CRLF1: variants seen among roughly 807,000 people sequenced by gnomAD.
The protein encoded by CRLF1 is cytokine receptor like factor 1.
In CRLF1, 36 loss-of-function variants were observed where a neutral mutation model predicts 48.9. The observed-to-expected ratio is 0.74, with a 90% confidence interval of 0.56 to 0.97. CRLF1 has a LOEUF of 0.97. CRLF1 is among the 50% of genes least tolerant of loss of function. The probability of loss-of-function intolerance (pLI) is 0.00; values close to 1 mark genes in which losing one functional copy is unlikely to be tolerated. For missense variants in CRLF1, 534 were observed against 575.1 expected (o/e 0.93, Z 0.73); for synonymous variants, 256 against 253.4 (o/e 1.01, Z -0.10).
intron 1 of CRLF1, among the ~76,000 whole-genome samples, chr19:18,605,832 C>A (rs1976286201): frequency 6.6e-6 from 1 of 152,170 alleles, no homozygotes; most frequent in Admixed American, 6.5e-5. Context: ...AAAGTTTGGG[C>A]CCGCTGGTGC....
At chr19:18,593,898 A>C (rs1976090072) in intron 8 of CRLF1, 167 bp downstream of exon 8, 1 of 978,000 alleles carries the variant, frequency 1.0e-6, no homozygotes, top group African/African-American at 1.7e-5. Context: ...CCAGTTATAC[A>C]GTAAGTGCTA....
rs1286084668 is a variant in CRLF1, at chr19:18,606,367, G to T, written c.115+175C>A. Among the ~76,000 whole-genome samples the T allele has an allele frequency of 1.3e-5, 2 of 151,342 alleles. No homozygotes were observed. Among genetic ancestry groups the T allele is most frequent in the Non-Finnish European group, 1.5e-5 (1 of 67,688 alleles). On this transcript the variant is annotated intron_variant, in intron 1 of 8. Coordinates refer to ENST00000392386, the MANE Select transcript of CRLF1 (RefSeq NM_004750.5). The surrounding 1 kb of genome is among the most constrained non-coding windows in gnomAD (Gnocchi z 4.8). ...CGGAAGCAGGACTCTCTGGACAGTG[G>T]ACTGCGGCGCCGTGTGCCCCGCAGG...
chr19:18,593,341 G>A lies in CRLF1; in HGVS notation c.*225C>T. Reference sequence around the variant, plus strand: ...CCCCCAGCCCTGGCAGGGGTTCTAGGCAACTCAACCAACCCTCACACACAC... The same window carrying A: ...CCCCCAGCCCTGGCAGGGGTTCTAGACAACTCAACCAACCCTCACACACAC... On this transcript the variant is annotated 3_prime_UTR_variant, in exon 9 of 9. Transcript: ENST00000392386. The A allele has an allele frequency of 6.7e-6, 4 of 599,208 alleles. No homozygotes were observed. Among genetic ancestry groups the A allele is most frequent in the Non-Finnish European group, 8.9e-6 (3 of 336,464 alleles). 37.1% of individuals were successfully genotyped at this position (599,208 alleles called of 1,614,324 possible).
chr19:18,601,271 A>C (rs1001030096), intron 1 of CRLF1, among the ~76,000 whole-genome samples: 1 of 149,548 alleles, frequency 6.7e-6, no homozygotes, highest in African/African-American at 2.5e-5. Flanking sequence ...AATCATTAAG[A>C]GCACCATGTT....
At chr19:18,594,157 C>G (rs1368669908) in intron 7 of CRLF1, 50 bp from the exon 8 acceptor site, 2 of 1,592,452 alleles carry the variant, frequency 1.3e-6, no homozygotes, top group Non-Finnish European at 1.7e-6. Context: ...AGACCTGCGT[C>G]CACAGCCTGC....
In CRLF1 at chr19:18,606,001, G is replaced by C. The variant is rs964613370; in HGVS notation, c.115+541C>G. Among the ~76,000 whole-genome samples, 1 of 152,048 alleles carries C rather than the reference G, an allele frequency of 6.6e-6. No individual in the cohort carries two copies. The highest frequency in any genetic ancestry group is 6.5e-5 in the Admixed American group (1 of 15,280). On this transcript the variant is annotated intron_variant, in intron 1 of 8. Coordinates refer to ENST00000392386, the MANE Select transcript of CRLF1 (RefSeq NM_004750.5). The surrounding 1 kb of genome is among the most constrained non-coding windows in gnomAD (Gnocchi z 4.8). ...GACCCCCGTGCGCCGGGTCCCGCAG[G>C]GGGAGGGCGGTGGCGCCGGCCCGTG...
intron 4 of CRLF1, among the ~76,000 whole-genome samples, 159 bp downstream of exon 4, chr19:18,598,273 T>C (rs1277104112): frequency 1.3e-5 from 2 of 152,094 alleles, no homozygotes; most frequent in African/African-American, 4.8e-5. Context: ...GCTACTTACC[T>C]ACCTTCCCTC....
intron 2 of CRLF1, 32 bp downstream of exon 2, chr19:18,599,533 C>G (rs1013929316): frequency 1.2e-6 from 2 of 1,611,474 alleles, no homozygotes; most frequent in Admixed American, 1.7e-5. Context: ...CTCCCAAGAG[C>G]TACCCCTGGG....
chr19:18,594,032 T>TGGGGGACC, intron 8 of CRLF1, 33 bp downstream of exon 8: 3 of 695,810 alleles, frequency 4.3e-6, no homozygotes, highest in Non-Finnish European at 6.6e-6. Context: ...CTCCCCTTGC[T>TGGGGGACC]CCCTCCCGCC....
chr19:18,596,681 T>G lies in CRLF1; in HGVS notation c.965A>C (p.Lys322Thr). ...CCACTCACTCCAGATCCCGGCTTTCTTGGAGCCATAGATGCCAAAGGGGTT... is the reference window on the plus strand; with the variant it reads ...CCACTCACTCCAGATCCCGGCTTTCGTGGAGCCATAGATGCCAAAGGGGTT... ...RCNPFGIYGS[K>T]KAGIWSEWSH... The change falls in exon 6 of 9, where the codon AAG becomes ACG. Residue 322 changes from lysine to threonine, a missense_variant. By Grantham distance (78) the Lys-to-Thr change is moderately conservative. Around this residue, in one of 2 missense-constraint regions of CRLF1, gnomAD observed 528 missense variants for 555.7 expected, o/e 0.95. Coordinates refer to ENST00000392386, the MANE Select transcript of CRLF1 (RefSeq NM_004750.5). 1 of 1,614,086 alleles carries G rather than the reference T, an allele frequency of 6.2e-7. No individual in the cohort carries two copies. Among genetic ancestry groups the G allele is most frequent in the Non-Finnish European group, 8.5e-7 (1 of 1,180,022 alleles).
rs1976083149 is a variant in CRLF1 at position 18,593,489 on chromosome 19, G to C, written c.*77C>G. ...GGTGGCTCAGGTGCCCTGAAGTGAG[G>C]GTACAGAGGTGGCCCCAGTTTGGGT... On this transcript the variant is annotated 3_prime_UTR_variant, in exon 9 of 9. Transcript: ENST00000392386. 10 of 1,590,516 alleles carry C rather than the reference G, an allele frequency of 6.3e-6. No homozygotes were observed. The highest frequency in any genetic ancestry group is 7.7e-6 in the Non-Finnish European group (9 of 1,167,760).
intron 2 of CRLF1, 93 bp downstream of exon 2, chr19:18,599,472 C>T (rs1047249834): frequency 1.3e-6 from 2 of 1,558,892 alleles, no homozygotes; most frequent in Non-Finnish European, 1.8e-6. Context: ...CACAGCTCAT[C>T]CCCAGGCCAG....
intron 1 of CRLF1, among the ~76,000 whole-genome samples, chr19:18,603,470 C>T (rs1035238355): frequency 6.6e-6 from 1 of 152,210 alleles, no homozygotes; most frequent in Non-Finnish European, 1.5e-5. Context: ...GGTCAGAGAC[C>T]CTGACCTGCA....
Position 18,596,659 on chromosome 19 carries a change from C to G in CRLF1, c.987G>C (p.Glu329Asp), listed in dbSNP as rs754193561. The G allele has an allele frequency of 1.3e-5, 21 of 1,613,836 alleles. No individual in the cohort carries two copies. The Admixed American group carries it at 3.2e-4, about 24-fold the overall frequency. Residue 329 changes from glutamate (E) to aspartate (D), a missense_variant, in exon 6 of 9, where the codon GAG becomes GAC. Transcript: ENST00000392386. ...TGGAGGCGGCTGTGGGGTGGCTCCA[C>G]TCACTCCAGATCCCGGCTTTCTTGG... ...YGSKKAGIWS[E>D]WSHPTAASTP...
intron 6 of CRLF1, among the ~76,000 whole-genome samples, 172 bp from the exon 7 acceptor site, chr19:18,594,606 CT>C (rs974472502): frequency 9.9e-5 from 15 of 151,970 alleles, no homozygotes; most frequent in Admixed American, 8.5e-4. Flanking sequence ...AGCTGCGCCC[CT>C]GGCCCGGCTG....
chr19:18,605,301 C>T (rs1356993792), intron 1 of CRLF1, among the ~76,000 whole-genome samples: 1 of 152,166 alleles, frequency 6.6e-6, no homozygotes, highest in African/African-American at 2.4e-5. Context: ...AGGGGAGAGC[C>T]AGGCTTTCAG....
rs867290639 is a variant in CRLF1 at position 18,598,754 on chromosome 19, C to T, written c.527+18G>A. 6.2e-7 allele frequency: 1 copy of T among 1,614,096 alleles called. No homozygotes were observed. ...AGCCAGCCTGGGACACACACATCGC[C>T]CTCAGGCCACCACCAACCTAAGCTT... On this transcript the variant is annotated intron_variant, in intron 3 of 8. Coordinates refer to ENST00000392386, the MANE Select transcript of CRLF1 (RefSeq NM_004750.5).
intron 1 of CRLF1, among the ~76,000 whole-genome samples, chr19:18,604,521 A>G (rs1202354112): frequency 1.3e-5 from 2 of 152,182 alleles, no homozygotes; most frequent in African/African-American, 4.8e-5. Context: ...TTGCAATCCA[A>G]TGTCCAGAGG....
At chr19:18,594,030 G>GCGGGGGGGCCCCCCCCCC in intron 8 of CRLF1, 35 bp downstream of exon 8, 7 of 1,315,302 alleles carry the variant, frequency 5.3e-6, no homozygotes, top group Non-Finnish European at 7.4e-6. Context: ...CCCTCCCCTT[G>GCGGGGGGGCCCCCCCCCC]CTCCCTCCCG....
Sources: gnomAD v4.1 joint callset for allele counts (sites outside exome capture counted in the v4.1 genomes callset) on GRCh38, gnomAD v4.1.1 for gene constraint, gnomAD v4.1.1 regional missense constraint, Gnocchi (gnomAD v3.1) non-coding constraint, MANE v1.5 for transcripts, NCBI Gene and HGNC (gene_info 2026-07-23, HGNC 2026-07-21) for gene names.